TRABD2B: variants seen among roughly 807,000 people sequenced by gnomAD.
The protein encoded by TRABD2B is TraB domain containing 2B.
Under a neutral mutation model 40.1 loss-of-function variants are expected in TRABD2B, and 14 were observed. That is an observed-to-expected ratio of 0.35 (90% CI 0.23 to 0.55). TRABD2B has a LOEUF of 0.55. TRABD2B is among the 20% of genes least tolerant of loss of function. The pLI is 0.90. For synonymous variants in TRABD2B, 263 were observed against 277.0 expected (o/e 0.95, Z 0.50); for missense variants, 541 against 648.6 (o/e 0.83, Z 1.80).
At chr1:47,925,372 T>A (rs80016971) in intron 2 of TRABD2B, among the ~76,000 whole-genome samples, 1 of 152,108 alleles carries the variant, frequency 6.6e-6, no homozygotes, top group Non-Finnish European at 1.5e-5. Flanking sequence ...TGAAAGAAGA[T>A]TTTTTTTATT....
chr1:47,793,771 G>A (rs990391263), intron 4 of TRABD2B, among the ~76,000 whole-genome samples: 1 of 152,216 alleles, frequency 6.6e-6, no homozygotes, highest in Non-Finnish European at 1.5e-5. Context: ...TACTGGCAGG[G>A]ACAGCCATAT....
chr1:47,841,545 A>G (rs1333405267), intron 2 of TRABD2B, among the ~76,000 whole-genome samples: 1 of 152,162 alleles, frequency 6.6e-6, no homozygotes, highest in Non-Finnish European at 1.5e-5. Flanking sequence ...AGGTGCAGGA[A>G]GAGGCATGGA....
chr1:47,995,485 T>C (rs1024280957), intron 1 of TRABD2B, among the ~76,000 whole-genome samples: 1 of 146,742 alleles, frequency 6.8e-6, no homozygotes, highest in Admixed American at 6.9e-5. Flanking sequence ...AGCTCCGACT[T>C]AGGGGAGTGT....
Position 47,778,255 on chromosome 1 carries a change from C to T in TRABD2B, c.1079+199G>A, listed in dbSNP as rs532288989. Among the ~76,000 whole-genome samples, 11 of 152,340 alleles carry T rather than the reference C, an allele frequency of 7.2e-5. No homozygotes were observed. The South Asian group carries it at 2.3e-3, about 32-fold the overall frequency. ...AACGCTGCTCTCACTCCCACCCATG[C>T]TCTGGCCCTGCTGTCACCTAGAGCC... On this transcript the variant is annotated intron_variant, in intron 5 of 6. Transcript: ENST00000606738.
At chr1:47,987,640 G>C (rs1645938192) in intron 2 of TRABD2B, among the ~76,000 whole-genome samples, 1 of 152,194 alleles carries the variant, frequency 6.6e-6, no homozygotes, top group Non-Finnish European at 1.5e-5. Context: ...GAATGAACCA[G>C]GTCATGGAGA....
At position 47,794,575 on chromosome 1, in the gene TRABD2B, C is replaced by T. The variant is rs1382721112; in HGVS notation, c.988+11G>A. 2.0e-6 allele frequency: 3 copies of T among 1,513,452 alleles called. No homozygotes were observed. Among genetic ancestry groups the T allele is most frequent in the Admixed American group, 2.0e-5 (1 of 49,166 alleles). The allele number at this position is 1,513,452 out of a possible 1,614,324, so 93.8% of individuals were successfully genotyped here. The stretch of plus-strand genomic sequence containing the variant: ...TTCTGCAAACAATCCCTTCCCCACA[C>T]TGGCCCAAACCTGCTCCGAAGGCAA... On this transcript the variant is annotated intron_variant, in intron 4 of 6. Transcript: ENST00000606738.
intron 2 of TRABD2B, among the ~76,000 whole-genome samples, chr1:47,878,476 T>C (rs917688936): frequency 6.6e-6 from 1 of 152,118 alleles, no homozygotes; most frequent in Admixed American, 6.5e-5. Flanking sequence ...ACAGGCAACA[T>C]CAGGGAAGAT....
chr1:47,829,491 C>T (rs569887165), intron 2 of TRABD2B, among the ~76,000 whole-genome samples: 7 of 152,240 alleles, frequency 4.6e-5, no homozygotes, highest in East Asian at 3.9e-4. Context: ...AATCCACATC[C>T]GTCTGCAGGA....
At position 47,984,917 on chromosome 1, in the gene TRABD2B, G is replaced by A. The variant is rs115728690; in HGVS notation, c.666+9117C>T. Among the ~76,000 whole-genome samples, 841 of 152,258 alleles carry A rather than the reference G, an allele frequency of 5.5e-3. 8 individuals carry two copies. The highest frequency in any genetic ancestry group is 0.017 in the African/African-American group (722 of 41,532). ...CAGCAACGTTCTTCTCGCTCACTACGTCCAGCACTTATCCCATGTCTGGCA... is the reference window on the plus strand; with the variant it reads ...CAGCAACGTTCTTCTCGCTCACTACATCCAGCACTTATCCCATGTCTGGCA... On this transcript the variant is annotated intron_variant, in intron 2 of 6. Coordinates refer to ENST00000606738, the MANE Select transcript of TRABD2B (RefSeq NM_001194986.2).
chr1:47,836,136 T>C (rs1645315635), intron 2 of TRABD2B, among the ~76,000 whole-genome samples: 1 of 152,220 alleles, frequency 6.6e-6, no homozygotes, highest in Admixed American at 6.5e-5. Flanking sequence ...CTAGGAAAAC[T>C]AACTCAAAAT....
chr1:47,984,070 T>C (rs1356674751), intron 2 of TRABD2B, among the ~76,000 whole-genome samples: 1 of 152,222 alleles, frequency 6.6e-6, no homozygotes, highest in Admixed American at 6.5e-5. Context: ...CTAACGGCCA[T>C]GAAGGCGCAT....
At chr1:47,827,916 G>C (rs746315947) in intron 2 of TRABD2B, among the ~76,000 whole-genome samples, 3 of 152,156 alleles carry the variant, frequency 2.0e-5, no homozygotes, top group African/African-American at 7.2e-5. Flanking sequence ...ACCACCTGGG[G>C]ACAGCTACTC....
At chr1:47,927,087 T>C (rs772898085) in intron 2 of TRABD2B, among the ~76,000 whole-genome samples, 3 of 152,048 alleles carry the variant, frequency 2.0e-5, no homozygotes, top group Admixed American at 6.5e-5. Context: ...TTGAAGACCT[T>C]TGGAGGGTCT....
At chr1:47,920,607 G>A (rs1378852517) in intron 2 of TRABD2B, among the ~76,000 whole-genome samples, 1 of 152,210 alleles carries the variant, frequency 6.6e-6, no homozygotes, top group Non-Finnish European at 1.5e-5. Context: ...CTTCTGAGCT[G>A]GAAGCAGCCA....
chr1:47,906,904 T>C (rs1219102277), intron 2 of TRABD2B, among the ~76,000 whole-genome samples: 3 of 152,158 alleles, frequency 2.0e-5, no homozygotes, highest in Non-Finnish European at 2.9e-5. Context: ...GTGCTGTCGG[T>C]CCCCCTCCGG....
At chr1:47,826,710 A>G (rs1163754267) in intron 2 of TRABD2B, among the ~76,000 whole-genome samples, 3 of 152,116 alleles carry the variant, frequency 2.0e-5, no homozygotes, top group Non-Finnish European at 4.4e-5. Flanking sequence ...AATAGCTAGA[A>G]CTACAGGTGC....
intron 6 of TRABD2B, among the ~76,000 whole-genome samples, chr1:47,771,836 T>C (rs569064411): frequency 6.6e-6 from 1 of 152,302 alleles, no homozygotes; most frequent in South Asian, 2.1e-4. Flanking sequence ...CTCCAGTGTG[T>C]GTTTACATCT....
chr1:47,964,286 C>T (rs1645565187), intron 2 of TRABD2B, among the ~76,000 whole-genome samples: 1 of 152,186 alleles, frequency 6.6e-6, no homozygotes, highest in Non-Finnish European at 1.5e-5. Context: ...CCTGAAACTT[C>T]CCATGAGTGG....
chr1:47,987,557 A>C (rs1645936739), intron 2 of TRABD2B, among the ~76,000 whole-genome samples: 1 of 152,150 alleles, frequency 6.6e-6, no homozygotes, highest in Admixed American at 6.5e-5. Context: ...GGAGGTGCAT[A>C]AGCTATCCTG....
Sources: allele counts gnomAD v4.1 joint callset (sites outside exome capture counted in the v4.1 genomes callset), GRCh38; gene constraint gnomAD v4.1.1; transcripts MANE v1.5; gene names NCBI Gene and HGNC (gene_info 2026-07-23, HGNC 2026-07-21).